The following DYNC1H1 variants were observed in gnomAD, a reference collection of about 807,000 sequenced individuals.
The protein encoded by DYNC1H1 is dynein cytoplasmic 1 heavy chain 1, also known as cytoplasmic dynein 1 heavy chain 1.
In DYNC1H1, 51 loss-of-function variants were observed where a neutral mutation model predicts 527.1. The observed-to-expected ratio is 0.10, with a 90% CI of 0.08 to 0.12. DYNC1H1 has a LOEUF of 0.12. Ranked by LOEUF, DYNC1H1 falls within the 10% of genes least tolerant of loss-of-function variation. The probability of loss-of-function intolerance (pLI) is 1.00; values close to 1 mark genes in which losing one functional copy is unlikely to be tolerated. For missense variants in DYNC1H1, 2,771 were observed against 5,971.8 expected (o/e 0.46, Z 17.66); for synonymous variants, 2,189 against 2,278.8 (o/e 0.96, Z 1.12).
At chr14:102,045,821 A>G (rs1440718188) in intron 72 of DYNC1H1, among the ~76,000 whole-genome samples, 3 of 151,944 alleles carry the variant, frequency 2.0e-5, no homozygotes, top group Non-Finnish European at 4.4e-5. Flanking sequence ...TGGCTCTCAT[A>G]GTGTGGCTCC....
At chr14:101,989,530 A>G (rs2047972673) in intron 10 of DYNC1H1, among the ~76,000 whole-genome samples, 1 of 152,240 alleles carries the variant, frequency 6.6e-6, no homozygotes, top group Non-Finnish European at 1.5e-5. Flanking sequence ...GGTGGTTACA[A>G]AGGAATCCAC....
intron 9 of DYNC1H1, among the ~76,000 whole-genome samples, chr14:101,988,482 A>C (rs1427918567): frequency 1.3e-5 from 2 of 152,204 alleles, no homozygotes; most frequent in Non-Finnish European, 2.9e-5. Context: ...ACAGGTTGTG[A>C]AGGATTGGTG....
At position 101,995,345 on chromosome 14, in the gene DYNC1H1, C is replaced by G. The variant is rs1017950644; in HGVS notation, c.3564+45C>G. ...AAAAATTTTTGGCTGGGCGTGGTGG[C>G]TCACGCCTGTAATCCCAGCACTTTG... On this transcript the variant is annotated intron_variant, in intron 15 of 77. Transcript: ENST00000360184. 9.9e-6 allele frequency: 16 copies of G among 1,611,336 alleles called. No homozygotes were observed. In the African/African-American group the frequency reaches 2.1e-4, roughly 22 times the overall value.
In DYNC1H1 at chr14:101,984,450, A is replaced by ATT. The variant is rs34383305; in HGVS notation, c.1461+862_1461+863dup. On this transcript the variant is annotated intron_variant, in intron 7 of 77. Coordinates refer to ENST00000360184, the MANE Select transcript of DYNC1H1 (RefSeq NM_001376.5). ...GTGTGTGTATATATATATATATTAT[A>ATT]TTTTTTTTTTTTTTTTTTTTTTGAG... Among the ~76,000 whole-genome samples the ATT allele has an allele frequency of 1.4e-3, 100 of 69,946 alleles. 6 individuals carry two copies. Among genetic ancestry groups the ATT allele is most frequent in the African/African-American group, 2.6e-3 (40 of 15,394 alleles). 45.9% of individuals were successfully genotyped at this position (69,946 alleles called of 152,430 possible).
intron 11 of DYNC1H1, among the ~76,000 whole-genome samples, chr14:101,993,966 A>G (rs17512194): frequency 2.0e-5 from 3 of 152,144 alleles, no homozygotes; most frequent in Admixed American, 6.5e-5. Flanking sequence ...TGCATTGCCA[A>G]ATTTCTCTGT....
In DYNC1H1 at chr14:101,991,596, T is replaced by C; in HGVS notation, c.2938T>C (p.Tyr980His). 1 of 1,614,222 alleles carries C rather than the reference T, an allele frequency of 6.2e-7. No individual in the cohort carries two copies. The highest frequency in any genetic ancestry group is 8.5e-7 in the Non-Finnish European group (1 of 1,180,046). ...YLNPPIEECR[Y>H]KLYQEMFAWK... is the part of the protein sequence containing the mutation. ...GAATCCACCAATTGAAGAGTGCAGA[T>C]ACAAGCTGTATCAGGAAATGTTTGC... The change falls in exon 11 of 78, where the codon TAC (tyrosine) becomes CAC (histidine). Residue 980 changes from tyrosine to histidine, a missense_variant. Coordinates refer to ENST00000360184, the MANE Select transcript of DYNC1H1 (RefSeq NM_001376.5).
rs1334775452 is a variant in DYNC1H1, at chr14:101,997,871, A to G, written c.3804+597A>G. Among the ~76,000 whole-genome samples the G allele has an allele frequency of 6.6e-6, 1 of 152,158 alleles. No homozygotes were observed. The highest frequency in any genetic ancestry group is 1.5e-5 in the Non-Finnish European group (1 of 68,030). ...AATCACGCTCCGTGGGAGAGAGAAA[A>G]AAAATGAGCAAGAAGAGACAGGAAA... On this transcript the variant is annotated intron_variant, in intron 16 of 77. Transcript: ENST00000360184. This position sits in a 1 kb window ranked among gnomAD's most constrained non-coding sequence, Gnocchi z 4.8.
rs2048490816 is a variant in DYNC1H1, at chr14:102,029,863, G to T, written c.9687G>T (p.Leu3229=). The T allele has an allele frequency of 6.2e-7, 1 of 1,614,156 alleles. No individual in the cohort carries two copies. Residue 3229 remains leucine (L), a synonymous_variant, in exon 50 of 78, where the codon CTG becomes CTT. Transcript: ENST00000360184. This position sits in a 1 kb window ranked among gnomAD's most constrained non-coding sequence, Gnocchi z 5.3. ...ACTTGAGGATAAAGAGCCAAGAGCTGGAGGTGAAGAATGCAGCAGCCAATG... is the reference window on the plus strand; with the variant it reads ...ACTTGAGGATAAAGAGCCAAGAGCTTGAGGTGAAGAATGCAGCAGCCAATG... The part of the protein sequence containing the change: ...RRDLRIKSQE[L]EVKNAAANDK...
intron 51 of DYNC1H1, chr14:102,030,501 T>TG: frequency 1.7e-6 from 1 of 595,696 alleles, no homozygotes; most frequent in Non-Finnish European, 2.9e-6. Flanking sequence ...TTTACCATAG[T>TG]GAAACCCCTC....
In DYNC1H1 at chr14:102,048,566, G is replaced by A; in HGVS notation, c.13269G>A (p.Leu4423=). 4 of 1,614,248 alleles carry A rather than the reference G, an allele frequency of 2.5e-6. No homozygotes were observed. The highest frequency in any genetic ancestry group is 3.4e-6 in the Non-Finnish European group (4 of 1,180,050). The change falls in exon 74 of 78, where the codon CTG becomes CTA. Residue 4423 remains leucine, a synonymous_variant. Transcript: ENST00000360184. ...GAGAAGTGAAGATGGGCGCAAAGCT[G>A]CTTCAGGACGTTCGCCAGGACCTTG... ...FEREVKMGAK[L]LQDVRQDLAD...
chr14:102,013,873 TTTA>T (rs990731337), intron 34 of DYNC1H1, among the ~76,000 whole-genome samples: 2 of 151,422 alleles, frequency 1.3e-5, no homozygotes, highest in African/African-American at 4.9e-5. Flanking sequence ...ATGGCTGGAG[TTTA>T]AAGCATGCGT....
intron 15 of DYNC1H1, among the ~76,000 whole-genome samples, chr14:101,996,254 C>T (rs919734375): frequency 2.4e-4 from 36 of 150,632 alleles, no homozygotes; most frequent in African/African-American, 6.8e-4. Flanking sequence ...CTCAGCCTCC[C>T]GAGTAGCTGG....
intron 16 of DYNC1H1, among the ~76,000 whole-genome samples, chr14:101,999,009 G>A (rs2048099910): frequency 1.3e-5 from 2 of 149,756 alleles, no homozygotes; most frequent in East Asian, 2.0e-4. Context: ...AGCCTCCCGA[G>A]TAGCTGGGAC....
chr14:101,965,264 T>C lies in DYNC1H1; in HGVS notation c.256+317T>C, dbSNP rs945109032. On this transcript the variant is annotated intron_variant, in intron 1 of 77. Transcript: ENST00000360184. The surrounding 1 kb of genome is among the most constrained non-coding windows in gnomAD (Gnocchi z 4.1). ...CCCCGTCTGCCGTCACCCAAAACAATGGGGTCGCTTTGTCTGCTCGGGCCT... is the reference window on the plus strand; with the variant it reads ...CCCCGTCTGCCGTCACCCAAAACAACGGGGTCGCTTTGTCTGCTCGGGCCT... Among the ~76,000 whole-genome samples the C allele has an allele frequency of 1.3e-5, 2 of 152,094 alleles. No individual in the cohort carries two copies. Among genetic ancestry groups the C allele is most frequent in the Non-Finnish European group, 2.9e-5 (2 of 67,996 alleles).
chr14:102,050,918 TCCC>T lies in DYNC1H1; in HGVS notation c.*356_*358del. The T allele has an allele frequency of 2.8e-6, 1 of 361,370 alleles. No individual in the cohort carries two copies. The highest frequency in any genetic ancestry group is 3.9e-5 in the Admixed American group (1 of 25,752). 22.4% of individuals were successfully genotyped at this position (361,370 alleles called of 1,614,324 possible). On this transcript the variant is annotated 3_prime_UTR_variant, in exon 78 of 78. Coordinates refer to ENST00000360184, the MANE Select transcript of DYNC1H1 (RefSeq NM_001376.5). Reference sequence around the variant, plus strand: ...CACCTCGCTTTCATCATGAGCTCGCTCCCGAGCGGCCACAGCACTCATGAATGA... The same window carrying T: ...CACCTCGCTTTCATCATGAGCTCGCTGAGCGGCCACAGCACTCATGAATGA...
In DYNC1H1 at chr14:102,042,407, A is replaced by T; in HGVS notation, c.12299A>T (p.His4100Leu). Residue 4100 changes from histidine to leucine, a missense_variant, in exon 68 of 78, where the codon CAT becomes CTT. By Grantham distance (99) the His-to-Leu change is moderately conservative. Around this residue, in one of 32 missense-constraint regions of DYNC1H1, gnomAD observed 195 missense variants for 428.6 expected, o/e 0.45. Transcript: ENST00000360184. The surrounding 1 kb of genome is among the most constrained non-coding windows in gnomAD (Gnocchi z 5.7). ...SGRWVMLKNV[H>L]LAPGWLMQLE... ...AGGTGGGTGATGCTGAAGAATGTGC[A>T]TCTGGCCCCAGGGTGGCTGATGCAG... is the stretch of plus-strand genomic sequence containing the variant. The T allele has an allele frequency of 6.2e-7, 1 of 1,614,192 alleles. No homozygotes were observed. Among genetic ancestry groups the T allele is most frequent in the Non-Finnish European group, 8.5e-7 (1 of 1,180,038 alleles).
chr14:102,050,370 C>T, intron 77 of DYNC1H1, 65 bp from the exon 78 acceptor site: 1 of 1,613,736 alleles, frequency 6.2e-7, no homozygotes, highest in South Asian at 1.1e-5. Flanking sequence ...ATCAGCTGTC[C>T]CGGGCAGTCT....
rs2047662653 is a variant in DYNC1H1, at chr14:101,965,945, G to T, written c.256+998G>T. Among the ~76,000 whole-genome samples, 1 of 152,116 alleles carries T rather than the reference G, an allele frequency of 6.6e-6. No homozygotes were observed. The highest frequency in any genetic ancestry group is 2.1e-4 in the South Asian group (1 of 4,834). ...TTACATTCATCTAAGTCTGGGGCTTGCCTGCAGGCAGGCTTTCTCATGGAT... is the reference window on the plus strand; with the variant it reads ...TTACATTCATCTAAGTCTGGGGCTTTCCTGCAGGCAGGCTTTCTCATGGAT... On this transcript the variant is annotated intron_variant, in intron 1 of 77. Transcript: ENST00000360184. The surrounding 1 kb of genome is among the most constrained non-coding windows in gnomAD (Gnocchi z 4.1).
Position 102,022,794 on chromosome 14 carries a change from G to T in DYNC1H1, c.8551G>T (p.Asp2851Tyr). ...GAGGCGTTGGACTGATGAGAACATC[G>T]ACACGGTTGCTCTGAAGCACTTCCC... Reference protein sequence around the residue: ...EERRWTDENIDTVALKHFPNI... With the variant: ...EERRWTDENIYTVALKHFPNI... The change falls in exon 43 of 78, where the codon GAC (aspartate) becomes TAC (tyrosine). Residue 2851 changes from aspartate (D) to tyrosine (Y), a missense_variant. By Grantham distance (160) the Asp-to-Tyr change is radical. Coordinates refer to ENST00000360184, the MANE Select transcript of DYNC1H1 (RefSeq NM_001376.5). 1.9e-6 allele frequency: 3 copies of T among 1,614,170 alleles called. No individual in the cohort carries two copies. Among genetic ancestry groups the T allele is most frequent in the Non-Finnish European group, 2.5e-6 (3 of 1,180,032 alleles).
Sources: allele counts gnomAD v4.1 joint callset (sites outside exome capture counted in the v4.1 genomes callset), GRCh38; gene constraint gnomAD v4.1.1; regional missense constraint gnomAD v4.1.1; non-coding constraint Gnocchi (gnomAD v3.1); transcripts MANE v1.5; gene names NCBI Gene and HGNC (gene_info 2026-07-23, HGNC 2026-07-21).